Variants in RBFOX3 observed in about 807,000 individuals in gnomAD.
RBFOX3 encodes the protein RNA binding fox-1 homolog 3.
Under a neutral mutation model 48.7 loss-of-function variants are expected in RBFOX3, and 17 were observed. That is an observed-to-expected ratio of 0.35 (90% CI 0.24 to 0.52). The LOEUF (loss-of-function observed/expected upper bound fraction) is 0.52, where lower values mean the gene tolerates loss of function less well. Among genes scored for constraint, RBFOX3 ranks in the 20% least tolerant of loss-of-function variants. RBFOX3 has a pLI of 0.94. For synonymous variants in RBFOX3, 212 were observed against 209.5 expected (o/e 1.01, Z -0.10); for missense variants, 382 against 497.5 (o/e 0.77, Z 2.21).
intron 1 of RBFOX3, among the ~76,000 whole-genome samples, chr17:79,531,133 T>C (rs1302507470): frequency 6.6e-6 from 1 of 152,214 alleles, no homozygotes; most frequent in Non-Finnish European, 1.5e-5. Context: ...AACGGGCAGA[T>C]TCCTTCCCAG....
chr17:79,429,752 A>G (rs1598653687), intron 2 of RBFOX3, among the ~76,000 whole-genome samples: 1 of 152,096 alleles, frequency 6.6e-6, no homozygotes, highest in South Asian at 2.1e-4. Flanking sequence ...TCGGGGCCAC[A>G]TGCTTCCTGA....
At chr17:79,295,594 A>G (rs191174792) in intron 3 of RBFOX3, among the ~76,000 whole-genome samples, 10 of 152,310 alleles carry the variant, frequency 6.6e-5, no homozygotes, top group African/African-American at 2.4e-4. Flanking sequence ...TGATGGAAAG[A>G]TCAGAAGTTG....
At chr17:79,180,134 G>A (rs1437864912) in intron 4 of RBFOX3, among the ~76,000 whole-genome samples, 1 of 152,170 alleles carries the variant, frequency 6.6e-6, no homozygotes, top group East Asian at 1.9e-4. Flanking sequence ...CTCCGCTGCT[G>A]GGAGAGGGGC....
At chr17:79,493,775 GGAAA>G (rs1409232397) in intron 1 of RBFOX3, among the ~76,000 whole-genome samples, 4 of 152,184 alleles carry the variant, frequency 2.6e-5, no homozygotes, top group Non-Finnish European at 5.9e-5. Flanking sequence ...ATAAATGGAT[GGAAA>G]GAAAGAAAGA....
At chr17:79,616,531 A>C in the RBFOX3 span, among the ~76,000 whole-genome samples, 1 of 148,058 alleles carries the variant, frequency 6.8e-6, no homozygotes, top group Admixed American at 6.8e-5. Flanking sequence ...GCAAGACTCC[A>C]TCTCAAGAAA....
chr17:79,590,417 T>A (rs2093383276), intron 1 of RBFOX3, among the ~76,000 whole-genome samples: 1 of 152,226 alleles, frequency 6.6e-6, no homozygotes, highest in African/African-American at 2.4e-5. Flanking sequence ...CCTGCAGAGC[T>A]GGAAACTCAT....
intron 2 of RBFOX3, among the ~76,000 whole-genome samples, chr17:79,413,503 C>T (rs190019670): frequency 1.3e-5 from 2 of 152,244 alleles, no homozygotes; most frequent in Admixed American, 6.5e-5. Context: ...ACAGCATCCC[C>T]GCTCCCACCC....
intron 5 of RBFOX3, among the ~76,000 whole-genome samples, chr17:79,112,906 G>GGGC (rs368996658): frequency 0.11 from 11,647 of 110,152 alleles, 956 homozygotes; most frequent in Non-Finnish European, 0.14. Context: ...CAGGCTCTCG[G>GGGC]GGGGGGGGTG....
intron 2 of RBFOX3, among the ~76,000 whole-genome samples, chr17:79,401,537 CTTCAGTGCAGAGGGA>C (rs1408044576): frequency 6.6e-6 from 1 of 152,194 alleles, no homozygotes; most frequent in African/African-American, 2.4e-5. Flanking sequence ...GAGACCCTGC[CTTCAGTGCAGAGGGA>C]GAGGGGAGGG....
At chr17:79,193,319 A>G (rs2146543428) in intron 4 of RBFOX3, among the ~76,000 whole-genome samples, 1 of 152,312 alleles carries the variant, frequency 6.6e-6, no homozygotes, top group Admixed American at 6.5e-5. Flanking sequence ...TGGTGCACAC[A>G]GCCATTCTCA....
chr17:79,411,532 G>C (rs2064339302), intron 2 of RBFOX3, among the ~76,000 whole-genome samples: 1 of 151,944 alleles, frequency 6.6e-6, no homozygotes, highest in Non-Finnish European at 1.5e-5. Flanking sequence ...TTCCCTCCTT[G>C]GGGCTGCCCT....
chr17:79,132,738 G>C (rs1265442239), intron 4 of RBFOX3: 2 of 152,232 alleles, frequency 1.3e-5, no homozygotes, highest in African/African-American at 4.8e-5. Flanking sequence ...GGAGAACCTC[G>C]AGAGCAGCAA....
At chr17:79,333,036 C>T (rs1264083681) in intron 2 of RBFOX3, among the ~76,000 whole-genome samples, 1 of 149,502 alleles carries the variant, frequency 6.7e-6, no homozygotes, top group South Asian at 2.2e-4. Context: ...GGGGGAGAGA[C>T]ATATAGATAG....
intron 2 of RBFOX3, among the ~76,000 whole-genome samples, chr17:79,327,261 A>G (rs1340007860): frequency 1.3e-5 from 2 of 152,200 alleles, no homozygotes; most frequent in Non-Finnish European, 2.9e-5. Flanking sequence ...AGTGATGATC[A>G]CACCCTTGAG....
chr17:79,265,347 C>T (rs550955545), intron 3 of RBFOX3, among the ~76,000 whole-genome samples: 3 of 152,342 alleles, frequency 2.0e-5, no homozygotes, highest in South Asian at 4.1e-4. Flanking sequence ...GCCTCCGGGG[C>T]TCCCACAGCC....
rs1189390185 is a variant in RBFOX3, at chr17:79,096,666, C to T, written c.923G>A (p.Gly308Asp). The change falls in exon 12 of 15, where the codon GGT becomes GAT. Residue 308 changes from glycine to aspartate, a missense_variant. Around this residue, in one of 3 missense-constraint regions of RBFOX3, gnomAD observed 215 missense variants for 254.8 expected, o/e 0.84. Coordinates refer to ENST00000693108, the MANE Select transcript of RBFOX3 (RefSeq NM_001350451.2). ...GGCTACACTTACATAAATCTCAGCA[C>T]CATAAAATCCATCCTGATACACGAC... ...SRVVYQDGFY[G>D]AEIYGGYAAY... 1.3e-6 allele frequency: 2 copies of T among 1,549,780 alleles called. No homozygotes were observed. Among genetic ancestry groups the T allele is most frequent in the Non-Finnish European group, 1.7e-6 (2 of 1,145,778 alleles).
In RBFOX3 at chr17:79,090,476, C is replaced by T; in HGVS notation, c.*407G>A. The T allele has an allele frequency of 5.2e-6, 1 of 193,866 alleles. No homozygotes were observed. The highest frequency in any genetic ancestry group is 1.3e-4 in the East Asian group (1 of 7,896). 12.0% of individuals were successfully genotyped at this position (193,866 alleles called of 1,614,324 possible). The stretch of plus-strand genomic sequence containing the variant: ...GCCTGCCTGCTCAGGCCCGGGCCTG[C>T]TCCGCCGCCGCTGGGCTCCACACTG... On this transcript the variant is annotated 3_prime_UTR_variant, in exon 15 of 15. Coordinates refer to ENST00000693108, the MANE Select transcript of RBFOX3 (RefSeq NM_001350451.2).
At chr17:79,620,012 C>A in the RBFOX3 span, among the ~76,000 whole-genome samples, 4,501 of 150,240 alleles carry the variant, frequency 0.03, 387 homozygotes, top group East Asian at 0.26. Context: ...CATGCACATG[C>A]ACACACACAC....
chr17:79,658,388 C>T, the RBFOX3 span, among the ~76,000 whole-genome samples: 40 of 131,822 alleles, frequency 3.0e-4, 1 homozygote, highest in East Asian at 9.8e-3. Context: ...TCCTCCTCCA[C>T]CCCTCCCTCT....
Sources: allele counts gnomAD v4.1 joint callset (sites outside exome capture counted in the v4.1 genomes callset), GRCh38; gene constraint gnomAD v4.1.1; regional missense constraint gnomAD v4.1.1; transcripts MANE v1.5; gene names NCBI Gene and HGNC (gene_info 2026-07-23, HGNC 2026-07-21).